ZYG11B: variants seen among roughly 807,000 people sequenced by gnomAD.
ZYG11B encodes protein zyg-11 homolog B.
Under a neutral mutation model 82.4 loss-of-function variants are expected in ZYG11B, and 36 were observed. The ratio of observed to expected loss-of-function variants is 0.44; its 90% confidence interval spans 0.33 to 0.58. The LOEUF is 0.58. ZYG11B is among the 20% of genes least tolerant of loss of function. ZYG11B has a pLI of 0.02. For missense variants in ZYG11B, 552 were observed against 895.6 expected (o/e 0.62, Z 4.90); for synonymous variants, 303 against 312.8 (o/e 0.97, Z 0.33).
At chr1:52,741,017 G>T (rs1644424939) in intron 1 of ZYG11B, among the ~76,000 whole-genome samples, 1 of 151,938 alleles carries the variant, frequency 6.6e-6, no homozygotes, top group South Asian at 2.1e-4. Context: ...AAAAGTTTTT[G>T]CTGGGCGGGG....
At chr1:52,817,765 GTATATATATGTGTATATATATATATATA>G (rs1429308813) in intron 13 of ZYG11B, among the ~76,000 whole-genome samples, 36 of 60,042 alleles carry the variant, frequency 6.0e-4, no homozygotes, top group African/African-American at 2.9e-3. Flanking sequence ...AGTAAAGTGT[GTATATATATGTGTATATATATATATATA>G]TATATATATA....
chr1:52,776,231 T>TATATAC lies in ZYG11B; in HGVS notation c.952-3617_952-3616insCATATA, dbSNP rs1644807843. ...CAAAACTCTGTCTTAAAAAAAAAAA[T>TATATAC]ATATATATATATATGCAATAAAGTT... On this transcript the variant is annotated intron_variant, in intron 3 of 13. Coordinates refer to ENST00000294353, the MANE Select transcript of ZYG11B (RefSeq NM_024646.3). Among the ~76,000 whole-genome samples the TATATAC allele has an allele frequency of 1.0e-4, 2 of 19,846 alleles. 1 individual carries two copies. The highest frequency in any genetic ancestry group is 2.0e-4 in the Non-Finnish European group (2 of 10,130). 13.0% of individuals were successfully genotyped at this position (19,846 alleles called of 152,430 possible). A position where few individuals can be genotyped will look rare whatever the true frequency, so the allele number is the denominator to read the frequency against.
chr1:52,775,967 G>A (rs974741907), intron 3 of ZYG11B, among the ~76,000 whole-genome samples: 2 of 151,714 alleles, frequency 1.3e-5, no homozygotes, highest in Non-Finnish European at 2.9e-5. Context: ...TGTAATCCCA[G>A]TGCTTTGGGA....
At chr1:52,786,637 C>G (rs1034518704) in intron 5 of ZYG11B, among the ~76,000 whole-genome samples, 1 of 152,078 alleles carries the variant, frequency 6.6e-6, no homozygotes, top group Non-Finnish European at 1.5e-5. Flanking sequence ...GTGGTCCCAA[C>G]TACTCAGGAG....
At chr1:52,812,476 C>CA (rs1645191755) in intron 10 of ZYG11B, among the ~76,000 whole-genome samples, 2 of 152,158 alleles carry the variant, frequency 1.3e-5, no homozygotes, top group South Asian at 4.1e-4. Flanking sequence ...GATTTCCACT[C>CA]ACTGCAGCCT....
intron 1 of ZYG11B, among the ~76,000 whole-genome samples, chr1:52,753,110 T>C (rs1049208735): frequency 6.6e-6 from 1 of 152,136 alleles, no homozygotes; most frequent in African/African-American, 2.4e-5. Flanking sequence ...CCTCCCAAAC[T>C]TCTAGGATTA....
At chr1:52,735,228 C>T (rs547332319) in intron 1 of ZYG11B, among the ~76,000 whole-genome samples, 5 of 151,784 alleles carry the variant, frequency 3.3e-5, no homozygotes, top group South Asian at 2.1e-4. Context: ...GGGGTTTCTC[C>T]ATGTTGGTCA....
intron 8 of ZYG11B, 80 bp downstream of exon 8, chr1:52,796,864 A>G: frequency 9.7e-6 from 2 of 206,728 alleles, no homozygotes; most frequent in Non-Finnish European, 1.7e-5. Flanking sequence ...ATTTTCTGAC[A>G]TTTTTTATAT....
intron 1 of ZYG11B, among the ~76,000 whole-genome samples, chr1:52,735,024 C>T (rs1191037649): frequency 1.3e-5 from 2 of 150,702 alleles, no homozygotes; most frequent in Admixed American, 6.6e-5. Flanking sequence ...CCACTGCGCC[C>T]GGTCCAAATC....
At chr1:52,780,479 T>A (rs1180248172) in intron 4 of ZYG11B, among the ~76,000 whole-genome samples, 1 of 151,538 alleles carries the variant, frequency 6.6e-6, no homozygotes, top group Non-Finnish European at 1.5e-5. Context: ...CAAAACCCCA[T>A]TCCTACAAAA....
At chr1:52,776,388 G>T (rs1405590581) in intron 3 of ZYG11B, among the ~76,000 whole-genome samples, 2 of 149,858 alleles carry the variant, frequency 1.3e-5, no homozygotes, top group Non-Finnish European at 3.0e-5. Context: ...AAAAAATTTA[G>T]CCGGGCATGG....
intron 2 of ZYG11B, among the ~76,000 whole-genome samples, chr1:52,770,633 A>G (rs779336651): frequency 4.7e-4 from 71 of 152,316 alleles, no homozygotes; most frequent in Non-Finnish European, 7.9e-4. Flanking sequence ...AGGAAAAGAC[A>G]GCATGGAAAA....
intron 1 of ZYG11B, among the ~76,000 whole-genome samples, chr1:52,732,920 A>G (rs541477960): frequency 4.1e-4 from 63 of 152,122 alleles, no homozygotes; most frequent in South Asian, 1.0e-3. Context: ...AGGTTGCAGT[A>G]AGCTGAGATC....
chr1:52,771,498 A>G lies in ZYG11B; in HGVS notation c.675A>G (p.Thr225=), dbSNP rs1270468021. ...TMHHLKCLKM[T]TTQILDVVRE... ...ACCACTTGAAATGTTTAAAAATGAC[A>G]ACTACCCAGATACTGGATGTAGTTC... Residue 225 remains threonine, a synonymous_variant, in exon 3 of 14, where the codon ACA becomes ACG. Transcript: ENST00000294353. This position sits in a 1 kb window ranked among gnomAD's most constrained non-coding sequence, Gnocchi z 5.4. 1 of 1,613,762 alleles carries G rather than the reference A, an allele frequency of 6.2e-7. No homozygotes were observed. The highest frequency in any genetic ancestry group is 8.5e-7 in the Non-Finnish European group (1 of 1,179,892).
At chr1:52,764,837 C>T (rs1644667479) in intron 2 of ZYG11B, among the ~76,000 whole-genome samples, 1 of 152,232 alleles carries the variant, frequency 6.6e-6, no homozygotes, top group Admixed American at 6.5e-5. Flanking sequence ...ACCTGAATGA[C>T]AAGGAGGGAA....
chr1:52,812,137 T>A (rs1645189202), intron 10 of ZYG11B, among the ~76,000 whole-genome samples: 2 of 152,240 alleles, frequency 1.3e-5, no homozygotes, highest in Admixed American at 1.3e-4. Flanking sequence ...TAAGTCCTTG[T>A]CTGCTAATTC....
At chr1:52,797,989 G>A (rs148346705) in intron 8 of ZYG11B, among the ~76,000 whole-genome samples, 16 of 151,930 alleles carry the variant, frequency 1.1e-4, no homozygotes, top group Middle Eastern at 3.4e-3. Context: ...TGGACATTGT[G>A]GCACATGCCC....
At chr1:52,750,518 C>T (rs906743171) in intron 1 of ZYG11B, among the ~76,000 whole-genome samples, 2 of 152,254 alleles carry the variant, frequency 1.3e-5, no homozygotes, top group Admixed American at 6.5e-5. Context: ...GGTGATCTGC[C>T]TGCCTTGGCC....
At chr1:52,796,912 T>A (rs797002542) in intron 8 of ZYG11B, 128 bp downstream of exon 8, 1 of 110,662 alleles carries the variant, frequency 9.0e-6, no homozygotes, top group African/African-American at 3.8e-5. Flanking sequence ...ATATATATAT[T>A]ATATATTATA....
Sources: allele counts gnomAD v4.1 joint callset (sites outside exome capture counted in the v4.1 genomes callset), GRCh38; gene constraint gnomAD v4.1.1; non-coding constraint Gnocchi (gnomAD v3.1); transcripts MANE v1.5; gene names NCBI Gene and HGNC (gene_info 2026-07-23, HGNC 2026-07-21).